Variants in WWOX observed in about 807,000 individuals in gnomAD.
WWOX encodes WW domain-containing oxidoreductase.
WWOX carries 69 observed loss-of-function variants against 46.2 expected under a neutral mutation model. The observed-to-expected ratio is 1.49, with a 90% CI of 1.23 to 1.82. The LOEUF (loss-of-function observed/expected upper bound fraction) is 1.82, where lower values mean the gene tolerates loss of function less well. Among genes scored for constraint, WWOX ranks in the 40% most tolerant of loss-of-function variants. WWOX has a pLI of 0.00. For missense variants in WWOX, 919 were observed against 542.6 expected (o/e 1.69, Z -6.89); for synonymous variants, 359 against 202.6 (o/e 1.77, Z -6.56).
At chr16:78,785,701 A>G (rs1410474263) in intron 8 of WWOX, among the ~76,000 whole-genome samples, 2 of 152,232 alleles carry the variant, frequency 1.3e-5, no homozygotes, top group Non-Finnish European at 2.9e-5. Context: ...TAGCTGTGAC[A>G]TGAATATTGG....
chr16:78,171,033 T>C (rs896730886), intron 5 of WWOX, among the ~76,000 whole-genome samples: 1 of 152,246 alleles, frequency 6.6e-6, no homozygotes, highest in African/African-American at 2.4e-5. Flanking sequence ...GACAGCATTA[T>C]GTGATTGCAG....
chr16:78,157,862 T>G (rs1285004446), intron 4 of WWOX, among the ~76,000 whole-genome samples: 1 of 152,172 alleles, frequency 6.6e-6, no homozygotes, highest in Non-Finnish European at 1.5e-5. Flanking sequence ...TGGTAGGTCG[T>G]ACGAATTGGG....
intron 5 of WWOX, among the ~76,000 whole-genome samples, chr16:78,322,657 A>G (rs1441403104): frequency 6.6e-6 from 1 of 152,224 alleles, no homozygotes; most frequent in African/African-American, 2.4e-5. Context: ...GCTACCTCCA[A>G]TGATTACTTT....
chr16:78,639,592 T>G (rs1363604319), intron 8 of WWOX, among the ~76,000 whole-genome samples: 1 of 151,700 alleles, frequency 6.6e-6, no homozygotes, highest in Non-Finnish European at 1.5e-5. Context: ...CCAGACAGTT[T>G]CACTCTTGTT....
intron 8 of WWOX, among the ~76,000 whole-genome samples, chr16:78,499,062 T>C (rs2084989268): frequency 6.6e-6 from 1 of 152,250 alleles, no homozygotes; most frequent in Admixed American, 6.5e-5. Flanking sequence ...TATTGTAGTT[T>C]CATCCTTGTT....
intron 5 of WWOX, among the ~76,000 whole-genome samples, chr16:78,385,972 T>C (rs1427144461): frequency 2.0e-5 from 3 of 152,146 alleles, no homozygotes; most frequent in African/African-American, 7.2e-5. Flanking sequence ...ACCCGGAGAT[T>C]TGTCCTTGCA....
rs532827612 is a variant in WWOX, at chr16:79,057,356, C to T, written c.1057-154252C>T. Among the ~76,000 whole-genome samples the T allele has an allele frequency of 1.4e-4, 22 of 152,276 alleles. No individual in the cohort carries two copies. The South Asian group carries it at 1.7e-3, about 11-fold the overall frequency. On this transcript the variant is annotated intron_variant, in intron 8 of 8. Coordinates refer to ENST00000566780, the MANE Select transcript of WWOX (RefSeq NM_016373.4). ...TTGGATGCAATTGCCCCCAAATTAT[C>T]GAAGAGAAAAGAAGACCACTGTAAT...
chr16:79,062,920 C>T (rs76201642), intron 8 of WWOX, among the ~76,000 whole-genome samples: 3 of 152,152 alleles, frequency 2.0e-5, no homozygotes, highest in African/African-American at 7.2e-5. Context: ...TCTGGCTGTC[C>T]ACCTGCTCAA....
At chr16:78,389,982 A>T (rs1484640878) in intron 6 of WWOX, among the ~76,000 whole-genome samples, 2 of 152,146 alleles carry the variant, frequency 1.3e-5, no homozygotes, top group Admixed American at 6.6e-5. Flanking sequence ...CCTGACCTCA[A>T]GTGATCTCTC....
chr16:78,150,009 C>T (rs1007124583), intron 4 of WWOX, among the ~76,000 whole-genome samples: 2 of 152,152 alleles, frequency 1.3e-5, no homozygotes, highest in African/African-American at 4.8e-5. Context: ...ACTAACGACC[C>T]AGAGTCAGCA....
intron 8 of WWOX, among the ~76,000 whole-genome samples, chr16:78,742,232 T>A (rs73571688): frequency 6.6e-6 from 1 of 152,184 alleles, no homozygotes; most frequent in African/African-American, 2.4e-5. Flanking sequence ...TCAAAACTTA[T>A]TTTTACTGAT....
At position 79,006,665 on chromosome 16, in the gene WWOX, C is replaced by G. The variant is rs547359127; in HGVS notation, c.1057-204943C>G. Among the ~76,000 whole-genome samples, 7 of 152,286 alleles carry G rather than the reference C, an allele frequency of 4.6e-5. No individual in the cohort carries two copies. In the South Asian group the frequency reaches 1.5e-3, roughly 32 times the overall value. ...AGGCAGGAGTCCAACACAGGTCTCA[C>G]TCGGCTAAGATCCAGGTGTAGGTGG... On this transcript the variant is annotated intron_variant, in intron 8 of 8. Transcript: ENST00000566780.
At chr16:78,357,422 T>A (rs549854046) in intron 5 of WWOX, among the ~76,000 whole-genome samples, 1 of 152,288 alleles carries the variant, frequency 6.6e-6, no homozygotes, top group Admixed American at 6.5e-5. Context: ...GTGGTGTTTG[T>A]ATTTTGGTTC....
intron 8 of WWOX, among the ~76,000 whole-genome samples, chr16:79,011,430 C>T (rs138072479): frequency 2.0e-5 from 3 of 150,648 alleles, no homozygotes; most frequent in East Asian, 3.9e-4. Flanking sequence ...GGTTTTCATC[C>T]CCCATAGTCT....
rs1357959520 is a variant in WWOX, at chr16:78,595,159, G to A, written c.1056+162407G>A. Among the ~76,000 whole-genome samples the A allele has an allele frequency of 2.0e-5, 3 of 152,350 alleles. No individual in the cohort carries two copies. In the East Asian group the frequency reaches 5.8e-4, roughly 29 times the overall value. ...CTGCAAAAGCAACCTCTGAGGATGG[G>A]TAGACATATACTTCATTGCAGGCAG... is the stretch of plus-strand genomic sequence containing the variant. On this transcript the variant is annotated intron_variant, in intron 8 of 8. Transcript: ENST00000566780.
At position 78,928,319 on chromosome 16, in the gene WWOX, C is replaced by G. The variant is rs193095573; in HGVS notation, c.1057-283289C>G. Among the ~76,000 whole-genome samples, 13 of 151,316 alleles carry G rather than the reference C, an allele frequency of 8.6e-5. No individual in the cohort carries two copies. The East Asian group carries it at 2.3e-3, about 27-fold the overall frequency. ...CCGGGTTCACGCCATTCTCCTGCCT[C>G]AGCCTCCCGAGTAGCTGGGACTACA... On this transcript the variant is annotated intron_variant, in intron 8 of 8. Transcript: ENST00000566780.
At chr16:78,605,374 A>G (rs2045730511) in intron 8 of WWOX, among the ~76,000 whole-genome samples, 1 of 151,678 alleles carries the variant, frequency 6.6e-6, no homozygotes, top group Admixed American at 6.6e-5. Context: ...AAAAAAAAAA[A>G]TCCAGGTGCA....
chr16:78,809,963 T>C (rs921627122), intron 8 of WWOX, among the ~76,000 whole-genome samples: 4 of 152,208 alleles, frequency 2.6e-5, no homozygotes. Context: ...CTTGGTATCC[T>C]GTTCATCTGG....
At chr16:78,820,151 G>C (rs975880892) in intron 8 of WWOX, among the ~76,000 whole-genome samples, 12 of 152,112 alleles carry the variant, frequency 7.9e-5, no homozygotes, top group Middle Eastern at 3.2e-3. Flanking sequence ...CAATGACCCT[G>C]TCCCTGCTTG....
Sources: allele counts gnomAD v4.1 joint callset (sites outside exome capture counted in the v4.1 genomes callset), GRCh38; gene constraint gnomAD v4.1.1; transcripts MANE v1.5; gene names NCBI Gene and HGNC (gene_info 2026-07-23, HGNC 2026-07-21).